MAP3K5: variants seen among roughly 807,000 people sequenced by gnomAD.
MAP3K5 encodes the protein ASK-1.
A neutral mutation model predicts 158.7 loss-of-function variants in MAP3K5; 56 were observed. The observed-to-expected ratio is 0.35, with a 90% CI of 0.28 to 0.44. The LOEUF is 0.44. MAP3K5 is among the 20% of genes least tolerant of loss of function. The pLI is 1.00. For synonymous variants in MAP3K5, 579 were observed against 601.7 expected (o/e 0.96, Z 0.55); for missense variants, 1,294 against 1,674.8 (o/e 0.77, Z 3.97).
rs911362514 is a variant in MAP3K5, at chr6:136,720,710, C to G, written c.449-121G>C. On this transcript the variant is annotated intron_variant, in intron 1 of 29. Coordinates refer to ENST00000359015, the MANE Select transcript of MAP3K5 (RefSeq NM_005923.4). ...AATAAGGAAACGATAGGGATTTTCTCTCTTCATTTATCACTGAATTTTGAA... is the reference window on the plus strand; with the variant it reads ...AATAAGGAAACGATAGGGATTTTCTGTCTTCATTTATCACTGAATTTTGAA... 6 of 725,380 alleles carry G rather than the reference C, an allele frequency of 8.3e-6. No homozygotes were observed. In the South Asian group the frequency reaches 8.3e-5, roughly 10 times the overall value. 44.9% of individuals were successfully genotyped at this position (725,380 alleles called of 1,614,324 possible).
At chr6:136,669,562 T>A (rs1007487150) in intron 7 of MAP3K5, among the ~76,000 whole-genome samples, 167 bp from the exon 8 acceptor site, 45 of 152,164 alleles carry the variant, frequency 3.0e-4, no homozygotes, top group African/African-American at 1.1e-3. Flanking sequence ...AGAAACTGCT[T>A]ATCTTTGTCC....
rs1362387246 is a variant in MAP3K5 at position 136,567,755 on chromosome 6, C to T, written c.3637G>A (p.Val1213Ile). The T allele has an allele frequency of 1.2e-6, 2 of 1,614,124 alleles. No homozygotes were observed. The highest frequency in any genetic ancestry group is 1.7e-6 in the Non-Finnish European group (2 of 1,180,020). ...GAGGTAGCCACAGCATCTTCAATGA[C>T]AGCCTGAGGTCTTCGGACAGTTTGA... Reference protein sequence around the residue: ...SNQTVRRPQAVIEDAVATSGV... With the variant: ...SNQTVRRPQAIIEDAVATSGV... Residue 1213 changes from valine to isoleucine, a missense_variant, in exon 26 of 30, where the codon GTC becomes ATC. Physicochemically the swap from Val to Ile is conservative, Grantham distance 29 (BLOSUM62 3). Around this residue, in one of 5 missense-constraint regions of MAP3K5, gnomAD observed 199 missense variants for 220.3 expected, o/e 0.90. Coordinates refer to ENST00000359015, the MANE Select transcript of MAP3K5 (RefSeq NM_005923.4).
chr6:136,733,315 G>A (rs568330404), intron 1 of MAP3K5, among the ~76,000 whole-genome samples: 3 of 152,248 alleles, frequency 2.0e-5, no homozygotes, highest in Admixed American at 6.5e-5. Context: ...CACAGCATTC[G>A]ATGATGGTTT....
At chr6:136,582,133 A>C (rs1774908103) in intron 24 of MAP3K5, among the ~76,000 whole-genome samples, 1 of 152,134 alleles carries the variant, frequency 6.6e-6, no homozygotes, top group South Asian at 2.1e-4. Flanking sequence ...ATCTGTTATA[A>C]CCATAACCTG....
chr6:136,674,809 C>G (rs566571330), intron 7 of MAP3K5, among the ~76,000 whole-genome samples: 1 of 151,830 alleles, frequency 6.6e-6, no homozygotes, highest in East Asian at 1.9e-4. Flanking sequence ...CAACATGATG[C>G]TCAAAGGAAA....
At chr6:136,788,641 A>C (rs934512586) in intron 1 of MAP3K5, among the ~76,000 whole-genome samples, 1 of 152,250 alleles carries the variant, frequency 6.6e-6, no homozygotes, top group African/African-American at 2.4e-5. Context: ...CAACAAACTT[A>C]TGAAAAAATG....
chr6:136,784,269 T>C (rs1325204251), intron 1 of MAP3K5, among the ~76,000 whole-genome samples: 2 of 152,224 alleles, frequency 1.3e-5, no homozygotes, highest in Non-Finnish European at 2.9e-5. Context: ...CAGCTGATGA[T>C]GTGGGGTAAG....
Position 136,791,882 on chromosome 6 carries a change from C to A in MAP3K5, c.276G>T (p.Thr92=). The A allele has an allele frequency of 6.2e-7, 1 of 1,613,550 alleles. No individual in the cohort carries two copies. The highest frequency in any genetic ancestry group is 2.2e-5 in the East Asian group (1 of 44,858). ...TCGCTTCGTTGATCACATATGCCACCGTGGTCCGTCGGCTGCCCCCGCCAA... is the reference window on the plus strand; with the variant it reads ...TCGCTTCGTTGATCACATATGCCACAGTGGTCCGTCGGCTGCCCCCGCCAA... The part of the protein sequence containing the change: ...SSVGGGSRRT[T]VAYVINEASQ... Residue 92 remains threonine (T), a synonymous_variant, in exon 1 of 30, where the codon ACG becomes ACT. Coordinates refer to ENST00000359015, the MANE Select transcript of MAP3K5 (RefSeq NM_005923.4).
chr6:136,753,358 A>C (rs544619180), intron 1 of MAP3K5, among the ~76,000 whole-genome samples: 85 of 152,310 alleles, frequency 5.6e-4, no homozygotes, highest in Middle Eastern at 3.4e-3. Flanking sequence ...AGGCAGCAAC[A>C]TGGTGTTGAT....
At chr6:136,650,737 G>A (rs1466531928) in intron 11 of MAP3K5, among the ~76,000 whole-genome samples, 1 of 152,184 alleles carries the variant, frequency 6.6e-6, no homozygotes, top group Non-Finnish European at 1.5e-5. Flanking sequence ...TTCTGAGTAT[G>A]CTTTGGATGG....
intron 1 of MAP3K5, among the ~76,000 whole-genome samples, chr6:136,748,481 A>C (rs1783057685): frequency 6.6e-6 from 1 of 152,204 alleles, no homozygotes; most frequent in Non-Finnish European, 1.5e-5. Flanking sequence ...GCTCACACAA[A>C]TATGTATTTG....
At chr6:136,779,793 G>T (rs1318314436) in intron 1 of MAP3K5, among the ~76,000 whole-genome samples, 1 of 152,168 alleles carries the variant, frequency 6.6e-6, no homozygotes. Context: ...ATGGCCACAT[G>T]GCTTATATCT....
intron 14 of MAP3K5, among the ~76,000 whole-genome samples, chr6:136,629,763 C>CTTCA (rs1554288617): frequency 5.0e-5 from 7 of 138,758 alleles, no homozygotes; most frequent in African/African-American, 1.7e-4. Context: ...CATATCTCAC[C>CTTCA]TTCATTTATT....
chr6:136,638,011 G>C (rs988769558), intron 13 of MAP3K5, among the ~76,000 whole-genome samples: 1 of 152,038 alleles, frequency 6.6e-6, no homozygotes, highest in Non-Finnish European at 1.5e-5. Context: ...GATGAACAAA[G>C]TCTATCTTGG....
At chr6:136,642,934 A>C (rs535323640) in intron 11 of MAP3K5, among the ~76,000 whole-genome samples, 1 of 152,358 alleles carries the variant, frequency 6.6e-6, no homozygotes, top group Admixed American at 6.5e-5. Flanking sequence ...TTTTCCGAGA[A>C]AGATAAACAT....
intron 14 of MAP3K5, among the ~76,000 whole-genome samples, chr6:136,623,454 A>G (rs1045529122): frequency 6.6e-6 from 1 of 152,230 alleles, no homozygotes; most frequent in Admixed American, 6.5e-5. Context: ...ACATCTTACC[A>G]GGTGCCAATG....
intron 1 of MAP3K5, among the ~76,000 whole-genome samples, chr6:136,780,017 C>T (rs1412179553): frequency 2.0e-5 from 3 of 152,154 alleles, no homozygotes; most frequent in African/African-American, 7.2e-5. Flanking sequence ...ATAGGGCCTG[C>T]TGAGAATGAC....
intron 1 of MAP3K5, among the ~76,000 whole-genome samples, chr6:136,774,411 C>T (rs1784330614): frequency 6.6e-6 from 1 of 152,136 alleles, no homozygotes; most frequent in African/African-American, 2.4e-5. Flanking sequence ...GCTGTGATCG[C>T]ACCACTGCAC....
chr6:136,652,342 T>C (rs1166463487), intron 10 of MAP3K5, among the ~76,000 whole-genome samples: 1 of 152,190 alleles, frequency 6.6e-6, no homozygotes, highest in Non-Finnish European at 1.5e-5. Context: ...AGTCAGTCTC[T>C]AGCTGTGAAA....
Sources: allele counts gnomAD v4.1 joint callset (sites outside exome capture counted in the v4.1 genomes callset), GRCh38; gene constraint gnomAD v4.1.1; regional missense constraint gnomAD v4.1.1; transcripts MANE v1.5; gene names NCBI Gene and HGNC (gene_info 2026-07-23, HGNC 2026-07-21).